The following ARPC3 variants were observed in gnomAD, a reference collection of about 807,000 sequenced individuals.
The protein encoded by ARPC3 is actin-related protein 2/3 complex subunit 3.
Under a neutral mutation model 27.6 loss-of-function variants are expected in ARPC3, and 12 were observed. The ratio of observed to expected loss-of-function variants is 0.43; its 90% CI spans 0.28 to 0.70. ARPC3 has a LOEUF of 0.70. Ranked by LOEUF, ARPC3 falls within the 30% of genes least tolerant of loss-of-function variation. The pLI, the probability that ARPC3 is intolerant of heterozygous loss-of-function variation, is 0.17. For synonymous variants in ARPC3, 53 were observed against 67.2 expected (o/e 0.79, Z 1.03); for missense variants, 153 against 207.7 (o/e 0.74, Z 1.62).
At chr12:110,436,503 C>A (rs1486865396) in intron 5 of ARPC3, 54 bp downstream of exon 5, 1 of 1,610,314 alleles carries the variant, frequency 6.2e-7, no homozygotes, top group African/African-American at 1.3e-5. Context: ...GGTAGGAAGT[C>A]AAATGGAGAA....
chr12:110,439,419 A>G (rs1202742367), intron 3 of ARPC3, among the ~76,000 whole-genome samples: 1 of 152,238 alleles, frequency 6.6e-6, no homozygotes, highest in Admixed American at 6.5e-5. Context: ...GAGATATAGA[A>G]AACATTCTAT....
At chr12:110,444,287 A>T (rs796568992) in intron 2 of ARPC3, among the ~76,000 whole-genome samples, 30 of 136,148 alleles carry the variant, frequency 2.2e-4, no homozygotes, top group African/African-American at 3.3e-4. Context: ...GTGAAAAAAA[A>T]TTTTTTTTTT....
intron 6 of ARPC3, 110 bp downstream of exon 6, chr12:110,436,000 G>T: frequency 1.2e-6 from 1 of 863,204 alleles, no homozygotes; most frequent in Non-Finnish European, 2.0e-6. Context: ...AAGCAACATT[G>T]CAATGCAGAA....
intron 1 of ARPC3, among the ~76,000 whole-genome samples, chr12:110,446,297 A>ATTT (rs1336985095): frequency 7.8e-6 from 1 of 128,804 alleles, no homozygotes. Context: ...CTACTTCCTA[A>ATTT]TTTTTTTTTT....
chr12:110,445,546 G>A lies in ARPC3; in HGVS notation c.12C>T (p.Tyr4=). MPA[Y]HSSLMDPDTK... is the part of the protein sequence containing the mutation. ...TATCAGGATCCATGAGAGAAGAGTGGTAAGCCTGTAATGGCAAGCCCAGGA... is the reference window on the plus strand; with the variant it reads ...TATCAGGATCCATGAGAGAAGAGTGATAAGCCTGTAATGGCAAGCCCAGGA... The change falls in exon 2 of 7, where the codon TAC becomes TAT. Residue 4 remains tyrosine (Y), a synonymous_variant. Transcript: ENST00000228825. The A allele has an allele frequency of 1.2e-6, 2 of 1,608,802 alleles. No homozygotes were observed. The highest frequency in any genetic ancestry group is 1.7e-6 in the Non-Finnish European group (2 of 1,175,206).
At chr12:110,442,400 G>A (rs1382287362) in intron 2 of ARPC3, among the ~76,000 whole-genome samples, 1 of 152,150 alleles carries the variant, frequency 6.6e-6, no homozygotes, top group Non-Finnish European at 1.5e-5. Flanking sequence ...CTGAGGTCAG[G>A]AGTTCGAGAC....
At chr12:110,449,536 T>C (rs1206872044) in intron 1 of ARPC3, among the ~76,000 whole-genome samples, 1 of 152,118 alleles carries the variant, frequency 6.6e-6, no homozygotes, top group Non-Finnish European at 1.5e-5. Flanking sequence ...CACTCCAGCC[T>C]GGGCGACAGA....
intron 2 of ARPC3, 166 bp from the exon 3 acceptor site, chr12:110,440,554 G>GTTT: frequency 1.9e-6 from 1 of 533,480 alleles, no homozygotes; most frequent in Non-Finnish European, 3.4e-6. Flanking sequence ...ATATTTATTT[G>GTTT]TTTTTTTTTT....
At chr12:110,449,322 G>GGA (rs2062485779) in intron 1 of ARPC3, among the ~76,000 whole-genome samples, 1 of 151,792 alleles carries the variant, frequency 6.6e-6, no homozygotes, top group South Asian at 2.1e-4. Flanking sequence ...CAGCACTTTG[G>GGA]GAGACCGAGG....
chr12:110,435,296 C>A, intron 6 of ARPC3, 79 bp from the exon 7 acceptor site: 29 of 1,044,184 alleles, frequency 2.8e-5, no homozygotes, highest in Non-Finnish European at 4.0e-5. Flanking sequence ...AATAAAATTT[C>A]ACATTAGTCT....
intron 3 of ARPC3, among the ~76,000 whole-genome samples, chr12:110,438,992 T>C (rs2062420777): frequency 6.6e-6 from 1 of 151,652 alleles, no homozygotes; most frequent in African/African-American, 2.4e-5. Context: ...TGGCAGAGTT[T>C]TTTGTTTTTT....
rs1316595803 is a variant in ARPC3 at position 110,440,406 on chromosome 12, G to C, written c.107-18C>G. 1.9e-6 allele frequency: 3 copies of C among 1,566,464 alleles called. No individual in the cohort carries two copies. The highest frequency in any genetic ancestry group is 1.1e-5 in the South Asian group (1 of 90,050). ...ATCTTTTGCTAAGCAGGACACAAGG[G>C]AAGGAGCACAGAGAACATTAGCCAA... is the stretch of plus-strand genomic sequence containing the variant. On this transcript the variant is annotated intron_variant, in intron 2 of 6. Coordinates refer to ENST00000228825, the MANE Select transcript of ARPC3 (RefSeq NM_001278556.2).
At chr12:110,445,375 A>G in intron 2 of ARPC3, 77 bp downstream of exon 2, 1 of 1,177,994 alleles carries the variant, frequency 8.5e-7, no homozygotes, top group Non-Finnish European at 1.3e-6. Flanking sequence ...TGAGCTAAGA[A>G]TTTTTCTGAT....
rs1252619288 is a variant in ARPC3 at position 110,444,289 on chromosome 12, T to A, written c.106+1163A>T. The stretch of plus-strand genomic sequence containing the variant: ...CCTGGCCTTTGCAGTGAAAAAAAAT[T>A]TTTTTTTTTTTTTGAGATGAAGTCT... On this transcript the variant is annotated intron_variant, in intron 2 of 6. Transcript: ENST00000228825. Among the ~76,000 whole-genome samples, 378 of 112,984 alleles carry A rather than the reference T, an allele frequency of 3.3e-3. 1 individual carries two copies. Among genetic ancestry groups the A allele is most frequent in the African/African-American group, 0.012 (299 of 24,130 alleles). The allele number at this position is 112,984 out of a possible 152,430, so 74.1% of individuals were successfully genotyped here. A position where few individuals can be genotyped will look rare whatever the true frequency, so the allele number is the denominator to read the frequency against.
At chr12:110,436,038 C>T (rs2062402132) in intron 6 of ARPC3, 72 bp downstream of exon 6, 1 of 1,158,602 alleles carries the variant, frequency 8.6e-7, no homozygotes, top group South Asian at 1.2e-5. Context: ...AATGGAAGAC[C>T]TTAGTGTGTT....
chr12:110,439,140 T>A (rs553187950), intron 3 of ARPC3, among the ~76,000 whole-genome samples: 1 of 151,934 alleles, frequency 6.6e-6, no homozygotes, highest in South Asian at 2.1e-4. Context: ...CATGCACTAC[T>A]ACACCTGGCT....
intron 1 of ARPC3, among the ~76,000 whole-genome samples, chr12:110,449,113 A>C (rs2062484246): frequency 6.6e-6 from 1 of 152,082 alleles, no homozygotes; most frequent in Non-Finnish European, 1.5e-5. Context: ...ACTACCTGAC[A>C]CTACCGTATG....
chr12:110,449,482 A>C (rs2062487329), intron 1 of ARPC3, among the ~76,000 whole-genome samples: 1 of 152,080 alleles, frequency 6.6e-6, no homozygotes, highest in South Asian at 2.1e-4. Flanking sequence ...GAATTGCTTG[A>C]ACCAGGGTGG....
At chr12:110,436,443 A>G in intron 5 of ARPC3, 114 bp downstream of exon 5, 1 of 1,517,122 alleles carries the variant, frequency 6.6e-7, no homozygotes, top group Non-Finnish European at 9.1e-7. Flanking sequence ...TGTACTTCCT[A>G]TGATTTCACT....
Sources: allele counts gnomAD v4.1 joint callset (sites outside exome capture counted in the v4.1 genomes callset), GRCh38; gene constraint gnomAD v4.1.1; transcripts MANE v1.5; gene names NCBI Gene and HGNC (gene_info 2026-07-23, HGNC 2026-07-21).